The following ZFHX3 variants were observed in gnomAD, a reference collection of about 807,000 sequenced individuals.
The protein encoded by ZFHX3 is zinc finger homeobox protein 3.
In ZFHX3, 42 loss-of-function variants were observed where a neutral mutation model predicts 279.1. The observed-to-expected ratio is 0.15, with a 90% confidence interval of 0.12 to 0.19. ZFHX3 has a LOEUF of 0.19. ZFHX3 is among the 10% of genes least tolerant of loss of function. ZFHX3 has a pLI of 1.00. For synonymous variants in ZFHX3, 2,293 were observed against 1,957.8 expected, an observed-to-expected ratio of 1.17 and a Z score of -4.52; for missense variants, 4,981 against 4,754.0, an observed-to-expected ratio of 1.05 and a Z score of -1.40.
intron 1 of ZFHX3, among the ~76,000 whole-genome samples, chr16:72,986,915 TCAGA>T: frequency 6.6e-6 from 1 of 151,982 alleles, no homozygotes; most frequent in East Asian, 1.9e-4. Context: ...GGAGGCCGAG[TCAGA>T]CAGACCGCTT....
intron 2 of ZFHX3, chr16:73,554,149 T>C (rs1348873399): frequency 2.0e-5 from 3 of 152,178 alleles, no homozygotes; most frequent in Non-Finnish European, 4.4e-5. Flanking sequence ...GAGAGACACA[T>C]ATGGTGCGGT....
chr16:73,682,157 T>C (rs1268103044), intron 1 of ZFHX3, among the ~76,000 whole-genome samples: 3 of 152,206 alleles, frequency 2.0e-5, no homozygotes, highest in South Asian at 4.1e-4. Context: ...TCATTTGCCA[T>C]TGCTCTTATG....
At chr16:73,172,365 C>G (rs553393715) in intron 5 of ZFHX3, among the ~76,000 whole-genome samples, 2 of 152,334 alleles carry the variant, frequency 1.3e-5, no homozygotes, top group East Asian at 3.9e-4. Context: ...AGAGATCCGT[C>G]TCCTTTGACA....
In ZFHX3 at chr16:73,823,861, C is replaced by T. The variant is rs114089143; in HGVS notation, c.-1608+67790G>A. 2.6e-3 allele frequency among the ~76,000 whole-genome samples: 393 copies of T among 152,242 alleles called. 4 individuals carry two copies. Among genetic ancestry groups the T allele is most frequent in the African/African-American group, 8.5e-3 (352 of 41,550 alleles). On this transcript the variant is annotated intron_variant, in intron 1 of 17. Transcript: ENST00000641206. ...AAACAAACTTGAGCATGTCTTTCAG[C>T]GGACGCTCTGATGGCAAGAGTCATA... is the stretch of plus-strand genomic sequence containing the variant.
intron 1 of ZFHX3, among the ~76,000 whole-genome samples, chr16:73,842,900 T>C (rs1233526485): frequency 6.6e-6 from 1 of 151,068 alleles, no homozygotes; most frequent in Non-Finnish European, 1.5e-5. Context: ...CAAATCAGAA[T>C]TACCTCTTTT....
intron 4 of ZFHX3, chr16:73,294,110 T>C (rs1567442348): frequency 6.6e-6 from 1 of 152,118 alleles, no homozygotes; most frequent in Non-Finnish European, 1.5e-5. Context: ...ATGATTTTAG[T>C]GACAGAGCTT....
At chr16:73,741,028 C>CTTTT (rs57661722) in intron 1 of ZFHX3, among the ~76,000 whole-genome samples, 2 of 85,574 alleles carry the variant, frequency 2.3e-5, no homozygotes, top group African/African-American at 8.3e-5. Flanking sequence ...AAAAATGGGC[C>CTTTT]TTTTTTTTTT....
intron 3 of ZFHX3, among the ~76,000 whole-genome samples, chr16:73,365,073 C>G (rs530646541): frequency 1.3e-5 from 2 of 152,114 alleles, no homozygotes; most frequent in Non-Finnish European, 2.9e-5. Flanking sequence ...ATCACTGAGA[C>G]GATGTTTGTG....
At chr16:73,541,468 A>G (rs914583180) in intron 2 of ZFHX3, among the ~76,000 whole-genome samples, 1 of 152,140 alleles carries the variant, frequency 6.6e-6, no homozygotes, top group Non-Finnish European at 1.5e-5. Flanking sequence ...CCTGGGGGAC[A>G]CAGCAAGACT....
chr16:73,807,514 G>A (rs1454817255), intron 1 of ZFHX3, among the ~76,000 whole-genome samples: 2 of 151,222 alleles, frequency 1.3e-5, no homozygotes, highest in East Asian at 2.0e-4. Context: ...GGGTGCAGTA[G>A]CACAATCATA....
At chr16:73,416,831 G>GCA (rs1161938251) in intron 3 of ZFHX3, among the ~76,000 whole-genome samples, 1 of 150,296 alleles carries the variant, frequency 6.7e-6, no homozygotes, top group Non-Finnish European at 1.5e-5. Flanking sequence ...CCGAGATCGC[G>GCA]CCACTGCACT....
intron 1 of ZFHX3, among the ~76,000 whole-genome samples, chr16:73,803,037 G>A (rs545858385): frequency 2.0e-5 from 3 of 152,296 alleles, no homozygotes; most frequent in East Asian, 1.9e-4. Flanking sequence ...CTGACCTCAG[G>A]AGATTTGCCC....
intron 3 of ZFHX3, among the ~76,000 whole-genome samples, chr16:73,391,456 A>AAC (rs2017011842): frequency 6.6e-6 from 1 of 151,696 alleles, no homozygotes; most frequent in Admixed American, 6.6e-5. Context: ...TGTCTCAAAA[A>AAC]AAAAAAATAA....
chr16:72,907,365 C>T lies in ZFHX3; in HGVS notation c.3217-17403G>A, dbSNP rs1224106547. Among the ~76,000 whole-genome samples the T allele has an allele frequency of 3.9e-5, 6 of 152,024 alleles. No individual in the cohort carries two copies. The South Asian group carries it at 8.3e-4, about 21-fold the overall frequency. ...TACATTCCTGCTGCTTCTTTCCTCA[C>T]GCTCTAATCTCTCCCCAAAATGAGT... On this transcript the variant is annotated intron_variant, in intron 3 of 9. Coordinates refer to ENST00000268489, the MANE Select transcript of ZFHX3 (RefSeq NM_006885.4).
chr16:73,006,154 C>T (rs1019252251), intron 1 of ZFHX3: 26 of 152,146 alleles, frequency 1.7e-4, no homozygotes, highest in Admixed American at 1.6e-3. Flanking sequence ...AAGAAATTAG[C>T]AAATTAGTAT....
Position 72,896,677 on chromosome 16 carries a change from C to T in ZFHX3, c.3217-6715G>A, listed in dbSNP as rs993183103. ...AAACGTGTTCCTGTTACTTGTTTCC[C>T]AGGGAAAACTAACCAACTTCTGTCA... On this transcript the variant is annotated intron_variant, in intron 3 of 9. Transcript: ENST00000268489. Among the ~76,000 whole-genome samples the T allele has an allele frequency of 4.6e-5, 7 of 152,278 alleles. No homozygotes were observed. The East Asian group carries it at 7.7e-4, about 17-fold the overall frequency.
chr16:72,789,029 C>G, intron 9 of ZFHX3, 181 bp from the exon 10 acceptor site: 1 of 726,488 alleles, frequency 1.4e-6, no homozygotes, highest in Non-Finnish European at 2.1e-6. Flanking sequence ...ACCTTGTATT[C>G]TAATGAGGAC....
intron 3 of ZFHX3, among the ~76,000 whole-genome samples, chr16:73,452,576 CAATT>C (rs2018295780): frequency 1.3e-5 from 2 of 152,126 alleles, no homozygotes; most frequent in Admixed American, 1.3e-4. Flanking sequence ...AATCTCTTCT[CAATT>C]AATCAGTGCA....
At chr16:73,217,887 A>G (rs1202189762) in intron 5 of ZFHX3, among the ~76,000 whole-genome samples, 2 of 140,762 alleles carry the variant, frequency 1.4e-5, no homozygotes, top group African/African-American at 2.6e-5. Flanking sequence ...TAGTTAACCT[A>G]AAAAAAAAAA....
Sources: allele counts gnomAD v4.1 joint callset (sites outside exome capture counted in the v4.1 genomes callset), GRCh38; gene constraint gnomAD v4.1.1; transcripts MANE v1.5; gene names NCBI Gene and HGNC (gene_info 2026-07-23, HGNC 2026-07-21).